The following TMEM163 variants were observed in gnomAD, a reference collection of about 807,000 sequenced individuals.
The protein encoded by TMEM163 is transmembrane protein 163.
In TMEM163, 17 loss-of-function variants were observed where a neutral mutation model predicts 29.3. That is an observed-to-expected ratio of 0.58 (90% CI 0.40 to 0.87). TMEM163 has a LOEUF of 0.87. Ranked by LOEUF, TMEM163 falls within the 40% of genes least tolerant of loss-of-function variation. The pLI is 0.00. For missense variants in TMEM163, 303 were observed against 381.5 expected (o/e 0.79, Z 1.71); for synonymous variants, 157 against 160.6 (o/e 0.98, Z 0.17).
chr2:134,679,714 G>A (rs1481728930), intron 2 of TMEM163, among the ~76,000 whole-genome samples: 1 of 152,200 alleles, frequency 6.6e-6, no homozygotes, highest in African/African-American at 2.4e-5. Flanking sequence ...AATGACCAAA[G>A]AGACGCAGAG....
intron 2 of TMEM163, among the ~76,000 whole-genome samples, chr2:134,626,427 A>G (rs903507984): frequency 2.0e-5 from 3 of 151,908 alleles, no homozygotes; most frequent in Admixed American, 6.6e-5. Context: ...TTTTAAGGCC[A>G]CCCACATTCC....
chr2:134,556,416 A>G (rs943802862), intron 2 of TMEM163, among the ~76,000 whole-genome samples: 1 of 152,274 alleles, frequency 6.6e-6, no homozygotes, highest in African/African-American at 2.4e-5. Context: ...CATGTGATTT[A>G]TAACAGCAAA....
chr2:134,650,799 T>C (rs1416418637), intron 2 of TMEM163, among the ~76,000 whole-genome samples: 5 of 134,874 alleles, frequency 3.7e-5, no homozygotes, highest in Middle Eastern at 3.6e-3. Flanking sequence ...CGGTGTTTGG[T>C]TTTTTGTTCT....
At chr2:134,527,031 C>G (rs1285042653) in intron 4 of TMEM163, among the ~76,000 whole-genome samples, 2 of 152,184 alleles carry the variant, frequency 1.3e-5, no homozygotes, top group African/African-American at 4.8e-5. Flanking sequence ...ATAAAAATGC[C>G]TCACCACAAA....
At chr2:134,578,503 G>T (rs1681613975) in intron 2 of TMEM163, among the ~76,000 whole-genome samples, 1 of 152,190 alleles carries the variant, frequency 6.6e-6, no homozygotes, top group Non-Finnish European at 1.5e-5. Context: ...TCCCATCGTG[G>T]TTAGCGTCTG....
intron 3 of TMEM163, 81 bp downstream of exon 3, chr2:134,551,967 C>T: frequency 8.9e-7 from 1 of 1,120,518 alleles, no homozygotes; most frequent in Non-Finnish European, 1.3e-6. Context: ...TAACCACCCT[C>T]ATTTGAGGGC....
chr2:134,546,438 T>A (rs1239750050), intron 4 of TMEM163, among the ~76,000 whole-genome samples: 2 of 152,146 alleles, frequency 1.3e-5, no homozygotes, highest in African/African-American at 4.8e-5. Flanking sequence ...GGCCAGGAGT[T>A]CAAGACCAGC....
chr2:134,584,784 G>A (rs888178907), intron 2 of TMEM163, among the ~76,000 whole-genome samples: 1 of 152,150 alleles, frequency 6.6e-6, no homozygotes, highest in Non-Finnish European at 1.5e-5. Context: ...TCTATAATGT[G>A]AAAGTATCCA....
intron 2 of TMEM163, among the ~76,000 whole-genome samples, chr2:134,624,501 T>C (rs1367850368): frequency 2.0e-5 from 3 of 152,044 alleles, no homozygotes; most frequent in African/African-American, 7.3e-5. Flanking sequence ...AACTAATGAG[T>C]ACTAGGCTTA....
At chr2:134,676,387 T>G (rs75023678) in intron 2 of TMEM163, among the ~76,000 whole-genome samples, 2,026 of 152,324 alleles carry the variant, frequency 0.013, 49 homozygotes, top group African/African-American at 0.046. Flanking sequence ...ATGTCTGTTC[T>G]CTCTTTAAGG....
rs201190020 is a variant in TMEM163, at chr2:134,550,531, C to T, written c.458+39G>A. 1.0e-5 allele frequency: 16 copies of T among 1,598,760 alleles called. No homozygotes were observed. The Admixed American group carries it at 1.8e-4, about 18-fold the overall frequency. The stretch of plus-strand genomic sequence containing the variant: ...CCTCATTCCGTGGCCTTCATCTGCA[C>T]GGGTTCTTCAGCCTGGAGAAAGACA... On this transcript the variant is annotated intron_variant, in intron 4 of 7. Transcript: ENST00000281924.
intron 2 of TMEM163, among the ~76,000 whole-genome samples, chr2:134,578,576 A>T (rs1574252580): frequency 1.3e-5 from 2 of 152,314 alleles, no homozygotes; most frequent in East Asian, 1.9e-4. Context: ...AAGGCATTGG[A>T]CAACCTTTCC....
intron 5 of TMEM163, among the ~76,000 whole-genome samples, chr2:134,501,770 C>T (rs772370459): frequency 6.6e-6 from 1 of 152,152 alleles, no homozygotes; most frequent in African/African-American, 2.4e-5. Flanking sequence ...AATATTTGTT[C>T]GGGCTATCTC....
chr2:134,538,788 G>A (rs960992175), intron 4 of TMEM163, among the ~76,000 whole-genome samples: 35 of 152,274 alleles, frequency 2.3e-4, no homozygotes, highest in Non-Finnish European at 4.7e-4. Context: ...AATCTCTAAG[G>A]ACAGGAAATA....
chr2:134,518,062 A>G (rs982395636), intron 4 of TMEM163, among the ~76,000 whole-genome samples: 4 of 152,222 alleles, frequency 2.6e-5, no homozygotes, highest in African/African-American at 9.6e-5. Flanking sequence ...GTAAGAGAAA[A>G]AGGATAATAC....
intron 4 of TMEM163, among the ~76,000 whole-genome samples, chr2:134,531,420 C>T (rs780705538): frequency 9.9e-5 from 15 of 152,180 alleles, no homozygotes; most frequent in Admixed American, 2.6e-4. Flanking sequence ...CACTCGGTGA[C>T]GGTGTCAGAT....
At chr2:134,639,876 C>G (rs1292974626) in intron 2 of TMEM163, among the ~76,000 whole-genome samples, 1 of 152,192 alleles carries the variant, frequency 6.6e-6, no homozygotes. Context: ...ATTGTCAGGT[C>G]AGTAATAGCA....
At chr2:134,542,484 T>A (rs920963641) in intron 4 of TMEM163, among the ~76,000 whole-genome samples, 1 of 152,204 alleles carries the variant, frequency 6.6e-6, no homozygotes, top group East Asian at 1.9e-4. Flanking sequence ...GGCCACAGAC[T>A]GTCACCTGCT....
intron 2 of TMEM163, among the ~76,000 whole-genome samples, chr2:134,669,254 C>T (rs1683939534): frequency 6.6e-6 from 1 of 152,194 alleles, no homozygotes; most frequent in Non-Finnish European, 1.5e-5. Context: ...CCTGGAGATT[C>T]CCTCCTACTT....
Sources: allele counts gnomAD v4.1 joint callset (sites outside exome capture counted in the v4.1 genomes callset), GRCh38; gene constraint gnomAD v4.1.1; transcripts MANE v1.5; gene names NCBI Gene and HGNC (gene_info 2026-07-23, HGNC 2026-07-21).